HECW1: variants seen among roughly 807,000 people sequenced by gnomAD.
The protein encoded by HECW1 is E3 ubiquitin-protein ligase HECW1.
A neutral mutation model predicts 182.3 loss-of-function variants in HECW1; 61 were observed. The ratio of observed to expected loss-of-function variants is 0.33; its 90% CI spans 0.27 to 0.41. The LOEUF is 0.41. Among genes scored for constraint, HECW1 ranks in the 10% least tolerant of loss-of-function variants. The pLI, the probability that HECW1 is intolerant of heterozygous loss-of-function variation, is 1.00. For missense variants in HECW1, 1,739 were observed against 2,108.9 expected (o/e 0.82, Z 3.44); for synonymous variants, 859 against 832.6 (o/e 1.03, Z -0.55).
intron 2 of HECW1, among the ~76,000 whole-genome samples, chr7:43,183,975 A>G (rs1793113315): frequency 6.6e-6 from 1 of 151,338 alleles, no homozygotes; most frequent in African/African-American, 2.4e-5. Context: ...AAAAAAAATC[A>G]AGATGTGATT....
intron 7 of HECW1, among the ~76,000 whole-genome samples, chr7:43,404,822 A>G (rs1332744167): frequency 6.6e-6 from 1 of 152,086 alleles, no homozygotes; most frequent in Non-Finnish European, 1.5e-5. Context: ...TAAAAATACA[A>G]AAAATTAGCC....
intron 3 of HECW1, among the ~76,000 whole-genome samples, chr7:43,293,232 A>AAG (rs1554344127): frequency 1.8e-4 from 27 of 151,154 alleles, no homozygotes; most frequent in South Asian, 8.3e-4. Context: ...AAAAAAAAAA[A>AAG]AAAAGAAAAG....
chr7:43,452,277 T>C (rs915182561), intron 12 of HECW1, among the ~76,000 whole-genome samples: 1 of 152,200 alleles, frequency 6.6e-6, no homozygotes, highest in Non-Finnish European at 1.5e-5. Flanking sequence ...CCACAACAAA[T>C]AACCTTTCAA....
At chr7:43,233,905 A>T (rs1320300477) in intron 2 of HECW1, among the ~76,000 whole-genome samples, 1 of 152,232 alleles carries the variant, frequency 6.6e-6, no homozygotes, top group African/African-American at 2.4e-5. Context: ...AAAAAGGCAG[A>T]TTCAGAGAGA....
intron 24 of HECW1, among the ~76,000 whole-genome samples, chr7:43,539,841 A>G (rs187230164): frequency 8.1e-4 from 123 of 152,348 alleles, no homozygotes; most frequent in African/African-American, 2.9e-3. Flanking sequence ...GGAGTAGAAG[A>G]TAACTGTTTT....
At chr7:43,192,951 G>A (rs1198818170) in intron 2 of HECW1, among the ~76,000 whole-genome samples, 3 of 152,222 alleles carry the variant, frequency 2.0e-5, no homozygotes, top group Non-Finnish European at 4.4e-5. Context: ...AGGCAGAGCA[G>A]CCCCAAGGGC....
In HECW1 at chr7:43,469,105, G is replaced by C; in HGVS notation, c.3099G>C (p.Lys1033Asn). ...GWEIKTDQQG[K>N]SFFVDHNSRA... ...AGATCAAAACGGACCAGCAGGGAAA[G>C]GTGAGTGTGACCCACGTGCGGGGCT... The change falls in exon 16 of 30, where the codon AAG becomes AAC. Residue 1033 changes from lysine (K) to asparagine (N), a missense_variant and splice_region_variant. Transcript: ENST00000395891. 1 of 1,613,562 alleles carries C rather than the reference G, an allele frequency of 6.2e-7. No homozygotes were observed. Among genetic ancestry groups the C allele is most frequent in the Non-Finnish European group, 8.5e-7 (1 of 1,179,892 alleles).
At chr7:43,298,838 A>T (rs1806361327) in intron 3 of HECW1, among the ~76,000 whole-genome samples, 1 of 152,156 alleles carries the variant, frequency 6.6e-6, no homozygotes, top group African/African-American at 2.4e-5. Context: ...TGCCGCCCCC[A>T]CATCTCGAGG....
At chr7:43,386,090 C>T (rs34597695) in intron 6 of HECW1, among the ~76,000 whole-genome samples, 29,088 of 152,150 alleles carry the variant, frequency 0.19, 3,127 homozygotes, top group Non-Finnish European at 0.25. Flanking sequence ...ATGCCGCCCA[C>T]ATTCCTTACC....
chr7:43,129,930 A>C (rs1786724345), intron 2 of HECW1, among the ~76,000 whole-genome samples: 1 of 152,214 alleles, frequency 6.6e-6, no homozygotes, highest in Admixed American at 6.5e-5. Flanking sequence ...TTGTTTAGGG[A>C]GTAATGACAA....
At chr7:43,121,923 G>A (rs1328321638) in intron 2 of HECW1, 1 of 152,140 alleles carries the variant, frequency 6.6e-6, no homozygotes, top group Non-Finnish European at 1.5e-5. Context: ...AATGTGAAAT[G>A]AGCTCAAGGA....
At position 43,327,658 on chromosome 7, in the gene HECW1, A is replaced by G. The variant is rs371577216; in HGVS notation, c.460+6916A>G. Among the ~76,000 whole-genome samples the G allele has an allele frequency of 2.3e-4, 35 of 152,260 alleles. No individual in the cohort carries two copies. The South Asian group carries it at 5.4e-3, about 23-fold the overall frequency. ...AGTTTTGCTTTAAAATCCCAAAAGA[A>G]TTAATCTTGCTAGAGAGGCATCCCC... is the stretch of plus-strand genomic sequence containing the variant. On this transcript the variant is annotated intron_variant, in intron 5 of 29. Coordinates refer to ENST00000395891, the MANE Select transcript of HECW1 (RefSeq NM_015052.5).
chr7:43,210,906 A>G (rs1297944223), intron 2 of HECW1, among the ~76,000 whole-genome samples: 1 of 152,250 alleles, frequency 6.6e-6, no homozygotes. Context: ...AACACGGACC[A>G]GAAGAGTGTG....
At chr7:43,120,877 C>T (rs113733039) in intron 2 of HECW1, among the ~76,000 whole-genome samples, 4 of 151,958 alleles carry the variant, frequency 2.6e-5, no homozygotes, top group Admixed American at 2.0e-4. Flanking sequence ...CTCCTGGCCT[C>T]GAGTGATCTG....
intron 5 of HECW1, among the ~76,000 whole-genome samples, chr7:43,350,429 G>T (rs753433076): frequency 3.9e-5 from 6 of 152,124 alleles, no homozygotes; most frequent in Non-Finnish European, 8.8e-5. Flanking sequence ...GGCCAGGGAA[G>T]TTTTCCTCAA....
At chr7:43,182,181 A>G (rs866409657) in intron 2 of HECW1, among the ~76,000 whole-genome samples, 44 of 152,198 alleles carry the variant, frequency 2.9e-4, no homozygotes, top group Middle Eastern at 6.8e-3. Flanking sequence ...CTATTTTTAC[A>G]TTTGTTGCCT....
In HECW1 at chr7:43,359,224, C is replaced by T. The variant is rs576180101; in HGVS notation, c.461-1662C>T. Among the ~76,000 whole-genome samples, 14 of 152,246 alleles carry T rather than the reference C, an allele frequency of 9.2e-5. No homozygotes were observed. The South Asian group carries it at 2.9e-3, about 32-fold the overall frequency. ...TAGGTTTATGTTTAGCTACATATAA[C>T]AGAGATCCTAAAATAACAATGGTAA... is the stretch of plus-strand genomic sequence containing the variant. On this transcript the variant is annotated intron_variant, in intron 5 of 29. Coordinates refer to ENST00000395891, the MANE Select transcript of HECW1 (RefSeq NM_015052.5).
chr7:43,206,819 T>G (rs1224526609), intron 2 of HECW1, among the ~76,000 whole-genome samples: 1 of 152,246 alleles, frequency 6.6e-6, no homozygotes, highest in Non-Finnish European at 1.5e-5. Context: ...GATTCAGTAT[T>G]CTTTGTGCTG....
intron 8 of HECW1, among the ~76,000 whole-genome samples, chr7:43,427,135 C>T (rs1347378122): frequency 6.6e-6 from 1 of 152,090 alleles, no homozygotes; most frequent in African/African-American, 2.4e-5. Context: ...GTTTTGTGGA[C>T]ATAGAACTCT....
Sources: allele counts gnomAD v4.1 joint callset (sites outside exome capture counted in the v4.1 genomes callset), GRCh38; gene constraint gnomAD v4.1.1; transcripts MANE v1.5; gene names NCBI Gene and HGNC (gene_info 2026-07-23, HGNC 2026-07-21).